PDXK: variants seen among roughly 807,000 people sequenced by gnomAD.
The protein encoded by PDXK is epididymis secretory sperm binding protein Li 1a.
PDXK carries 15 observed loss-of-function variants against 43.2 expected under a neutral mutation model. That is an observed-to-expected ratio of 0.35 (90% CI 0.23 to 0.53). The LOEUF is 0.53. PDXK is among the 20% of genes least tolerant of loss of function. The pLI is 0.92. For missense variants in PDXK, 343 were observed against 417.0 expected (o/e 0.82, Z 1.54); for synonymous variants, 172 against 165.4 (o/e 1.04, Z -0.31).
chr21:43,741,645 C>G (rs1208481127), intron 2 of PDXK, 22 bp from the exon 3 acceptor site: 2 of 1,605,504 alleles, frequency 1.2e-6, no homozygotes, highest in East Asian at 2.2e-5. Flanking sequence ...GTCTGAGCCC[C>G]CATGGCTTCC....
At position 43,758,148 on chromosome 21, in the gene PDXK, G is replaced by C. The variant is rs1322208121; in HGVS notation, c.*2085G>C. 6.5e-6 allele frequency: 1 copy of C among 153,748 alleles called. No individual in the cohort carries two copies. Among genetic ancestry groups the C allele is most frequent in the Non-Finnish European group, 1.5e-5 (1 of 68,060 alleles). The allele number at this position is 153,748 out of a possible 1,614,324, so 9.5% of individuals were successfully genotyped here. On this transcript the variant is annotated 3_prime_UTR_variant, in exon 11 of 11. Transcript: ENST00000291565. ...GTGGGTGTTACGGGCGGTGTGCCCT[G>C]GCGAGCAAGCTTTGATTCTTGGTTC...
At chr21:43,743,911 G>C (rs985677460) in intron 4 of PDXK, 104 bp downstream of exon 4, 61 of 735,050 alleles carry the variant, frequency 8.3e-5, no homozygotes, top group Non-Finnish European at 1.3e-4. Context: ...TCCTCTGCAC[G>C]CCTCCGTGCC....
chr21:43,738,991 T>G (rs1282298278), intron 2 of PDXK: 1 of 150,518 alleles, frequency 6.6e-6, no homozygotes, highest in Non-Finnish European at 1.5e-5. Context: ...TGGAGTGCAG[T>G]GGCGCGATCT....
chr21:43,725,149 C>G (rs1486122679), intron 1 of PDXK, among the ~76,000 whole-genome samples: 1 of 152,006 alleles, frequency 6.6e-6, no homozygotes, highest in Non-Finnish European at 1.5e-5. Flanking sequence ...CGGTAAAACC[C>G]CGTCTCTACT....
rs561328514 is a variant in PDXK at position 43,756,945 on chromosome 21, C to G, written c.*882C>G. Reference sequence around the variant, plus strand: ...CACTGCGCGTTTGCCACGTGCTGCCCGTGACAGCACATTGAGCCACAGCAT... The same window carrying G: ...CACTGCGCGTTTGCCACGTGCTGCCGGTGACAGCACATTGAGCCACAGCAT... On this transcript the variant is annotated 3_prime_UTR_variant, in exon 11 of 11. Transcript: ENST00000291565. 1.3e-5 allele frequency: 2 copies of G among 152,374 alleles called. No homozygotes were observed. The highest frequency in any genetic ancestry group is 2.9e-5 in the Non-Finnish European group (2 of 68,138). The allele number at this position is 152,374 out of a possible 1,614,324, so 9.4% of individuals were successfully genotyped here.
chr21:43,721,466 A>G (rs1187340806), intron 1 of PDXK, among the ~76,000 whole-genome samples: 3 of 152,222 alleles, frequency 2.0e-5, no homozygotes, highest in Non-Finnish European at 2.9e-5. Context: ...TTGGAATGAG[A>G]CTGGAGAATG....
chr21:43,727,090 G>A (rs530925363), intron 1 of PDXK, among the ~76,000 whole-genome samples: 1 of 152,338 alleles, frequency 6.6e-6, no homozygotes, highest in South Asian at 2.1e-4. Context: ...TGGTGTGACT[G>A]GCATTCCCTG....
intron 1 of PDXK, among the ~76,000 whole-genome samples, chr21:43,729,218 A>G (rs115081493): frequency 0.011 from 1,686 of 152,336 alleles, 33 homozygotes; most frequent in African/African-American, 0.038. Context: ...CCCAGCGGAG[A>G]CAGCCAGGCT....
intron 5 of PDXK, among the ~76,000 whole-genome samples, chr21:43,748,736 C>G (rs1046345391): frequency 1.3e-5 from 2 of 152,152 alleles, no homozygotes; most frequent in Non-Finnish European, 2.9e-5. Context: ...CTCCCAGACA[C>G]TCTGTGGGGA....
intron 8 of PDXK, 125 bp downstream of exon 8, chr21:43,752,754 C>T: frequency 1.6e-6 from 1 of 627,354 alleles, no homozygotes. Flanking sequence ...ACCGGGATGA[C>T]ACCCCCATTT....
intron 8 of PDXK, 88 bp from the exon 9 acceptor site, chr21:43,753,495 C>T (rs755464811): frequency 3.9e-5 from 55 of 1,414,590 alleles, no homozygotes; most frequent in East Asian, 1.4e-4. Flanking sequence ...CCCTCCCTGC[C>T]GCCGTGCCCA....
chr21:43,734,227 G>T lies in PDXK; in HGVS notation c.142+104G>T. On this transcript the variant is annotated intron_variant, in intron 2 of 10. Transcript: ENST00000291565. This position sits in a 1 kb window ranked among gnomAD's most constrained non-coding sequence, Gnocchi z 5.0. Reference sequence around the variant, plus strand: ...GGGGCGGAGTGTGGGTGTGAGGGACGGGGCTTTCGTGTGGACGGGGACCTG... The same window carrying T: ...GGGGCGGAGTGTGGGTGTGAGGGACTGGGCTTTCGTGTGGACGGGGACCTG... 9.1e-7 allele frequency: 1 copy of T among 1,095,142 alleles called. No homozygotes were observed. The allele number at this position is 1,095,142 out of a possible 1,614,324, so 67.8% of individuals were successfully genotyped here.
At chr21:43,739,128 G>C (rs2083452202) in intron 2 of PDXK, among the ~76,000 whole-genome samples, 1 of 151,874 alleles carries the variant, frequency 6.6e-6, no homozygotes, top group Admixed American at 6.6e-5. Flanking sequence ...TAGGGACGGG[G>C]TTTCACAGTG....
rs1307759861 is a variant in PDXK at position 43,741,636 on chromosome 21, T to C, written c.143-31T>C. 5 of 1,603,398 alleles carry C rather than the reference T, an allele frequency of 3.1e-6. 1 individual carries two copies. Among genetic ancestry groups the C allele is most frequent in the African/African-American group, 2.7e-5 (2 of 74,540 alleles). ...CACGGCCCCAGCTGGCCCCCTTGTG[T>C]CTGAGCCCCCATGGCTTCCTCTGCC... On this transcript the variant is annotated intron_variant, in intron 2 of 10. Transcript: ENST00000291565.
intron 4 of PDXK, among the ~76,000 whole-genome samples, chr21:43,745,550 C>T (rs911611820): frequency 1.3e-5 from 2 of 151,870 alleles, no homozygotes; most frequent in African/African-American, 4.8e-5. Context: ...GGATGGTGGT[C>T]GTGGTTATAC....
At position 43,720,099 on chromosome 21, in the gene PDXK, C is replaced by T. The variant is rs189372712; in HGVS notation, c.87+718C>T. 4.7e-4 allele frequency among the ~76,000 whole-genome samples: 71 copies of T among 152,334 alleles called. 1 individual carries two copies. In the East Asian group the frequency reaches 0.011, roughly 23 times the overall value. ...GAGCCAGCTTTTAAAACGCGTTGGC[C>T]CACGGCCTCCTGGTTGCAGCTAAGT... On this transcript the variant is annotated intron_variant, in intron 1 of 10. Transcript: ENST00000291565.
chr21:43,753,065 CTA>C (rs1415415206), intron 8 of PDXK, among the ~76,000 whole-genome samples: 10 of 152,200 alleles, frequency 6.6e-5, no homozygotes, highest in African/African-American at 2.4e-4. Context: ...CCTTGCCGCT[CTA>C]TGTTTGGACA....
intron 7 of PDXK, 41 bp downstream of exon 7, chr21:43,750,586 G>A (rs768940974): frequency 1.5e-5 from 23 of 1,522,468 alleles, no homozygotes; most frequent in African/African-American, 1.1e-4. Context: ...CACATGTGCC[G>A]CTCACGGTGG....
intron 4 of PDXK, among the ~76,000 whole-genome samples, chr21:43,744,298 C>T (rs1011346298): frequency 1.3e-5 from 2 of 152,186 alleles, no homozygotes; most frequent in African/African-American, 2.4e-5. Flanking sequence ...CTGCCTTGAT[C>T]GGTCTTTCGT....
Sources: gnomAD v4.1 joint callset for allele counts (sites outside exome capture counted in the v4.1 genomes callset) on GRCh38, gnomAD v4.1.1 for gene constraint, Gnocchi (gnomAD v3.1) non-coding constraint, MANE v1.5 for transcripts, NCBI Gene and HGNC (gene_info 2026-07-23, HGNC 2026-07-21) for gene names.